NAV1: variants seen among roughly 807,000 people sequenced by gnomAD.
NAV1 encodes pore membrane and/or filament interacting like protein 3.
NAV1 carries 18 observed loss-of-function variants against 175.2 expected under a neutral mutation model. The observed-to-expected ratio is 0.10, with a 90% confidence interval of 0.07 to 0.15. The LOEUF is 0.15. NAV1 is among the 10% of genes least tolerant of loss of function. The pLI, the probability that NAV1 is intolerant of heterozygous loss-of-function variation, is 1.00. For missense variants in NAV1, 1,731 were observed against 2,436.6 expected, an observed-to-expected ratio of 0.71 and a Z score of 6.10; for synonymous variants, 897 against 978.7, an observed-to-expected ratio of 0.92 and a Z score of 1.56.
At chr1:201,797,767 T>C (rs1435225492) in intron 15 of NAV1, 1 of 152,258 alleles carries the variant, frequency 6.6e-6, no homozygotes, top group Non-Finnish European at 1.5e-5. Context: ...GTTTTCTTAA[T>C]TTCTCTTTTG....
chr1:201,692,455 G>T (rs1039957080), intron 1 of NAV1, among the ~76,000 whole-genome samples: 1 of 152,196 alleles, frequency 6.6e-6, no homozygotes, highest in Admixed American at 6.5e-5. Flanking sequence ...AAATATATAT[G>T]TCTGCCTTTC....
At chr1:201,699,057 C>A (rs1398976331) in intron 1 of NAV1, among the ~76,000 whole-genome samples, 1 of 152,196 alleles carries the variant, frequency 6.6e-6, no homozygotes, top group Non-Finnish European at 1.5e-5. Context: ...TCTCACCGCT[C>A]CTATTCAACA....
intron 2 of NAV1, among the ~76,000 whole-genome samples, chr1:201,714,625 G>A (rs954321290): frequency 2.0e-5 from 3 of 152,136 alleles, no homozygotes; most frequent in African/African-American, 7.2e-5. Context: ...AGTGAAGCAG[G>A]GATCTGGCAG....
At chr1:201,826,858 C>T (rs1679700622) in exon 30 of NAV1, 1 of 152,184 alleles carries the variant, frequency 6.6e-6, no homozygotes, top group Non-Finnish European at 1.5e-5. Context: ...CCTTCATCAC[C>T]ACTGAGGCCA....
chr1:201,758,795 CT>C (rs1183357935), intron 3 of NAV1, among the ~76,000 whole-genome samples: 7 of 152,214 alleles, frequency 4.6e-5, no homozygotes, highest in African/African-American at 7.2e-5. Flanking sequence ...GTGACCACCC[CT>C]AACTTCATTT....
At chr1:201,607,523 G>T (rs998728880) in intron 2 of NAV1, among the ~76,000 whole-genome samples, 18 of 150,734 alleles carry the variant, frequency 1.2e-4, no homozygotes, top group African/African-American at 4.1e-4. Context: ...ATGGAGTCTC[G>T]CTCTGTCTCC....
At chr1:201,623,945 G>A (rs116413212) in intron 1 of NAV1, among the ~76,000 whole-genome samples, 1 of 152,222 alleles carries the variant, frequency 6.6e-6, no homozygotes, top group Non-Finnish European at 1.5e-5. Context: ...GGAAGCTTAA[G>A]CAGCTAGATA....
intron 1 of NAV1, among the ~76,000 whole-genome samples, chr1:201,559,535 T>C (rs1231488298): frequency 1.3e-5 from 2 of 152,076 alleles, no homozygotes; most frequent in African/African-American, 4.8e-5. Context: ...GTGCCATGCA[T>C]GTGGGCAGAG....
At position 201,547,426 on chromosome 1, in the gene NAV1, C is replaced by G. The variant is rs151154784; in HGVS notation, c.-144+8084C>G. Among the ~76,000 whole-genome samples, 23 of 152,290 alleles carry G rather than the reference C, an allele frequency of 1.5e-4. No homozygotes were observed. The East Asian group carries it at 4.4e-3, about 29-fold the overall frequency. ...AATGCCTTTTTGAGAGTGCTGTATA[C>G]TTTTTCTCAACCCACAGCCTGCTCA... is the stretch of plus-strand genomic sequence containing the variant. On this transcript the variant is annotated intron_variant, in intron 1 of 33. Coordinates refer to the NAV1 transcript ENST00000685211.
In NAV1 at chr1:201,808,779, G is replaced by A; in HGVS notation, c.4115G>A (p.Gly1372Glu). 6.2e-7 allele frequency: 1 copy of A among 1,614,182 alleles called. No individual in the cohort carries two copies. Among genetic ancestry groups the A allele is most frequent in the Non-Finnish European group, 8.5e-7 (1 of 1,180,040 alleles). The change falls in exon 20 of 30, where the codon GGG (glycine) becomes GAG (glutamate). Residue 1372 changes from glycine to glutamate, a missense_variant. Gly to Glu is a moderately conservative substitution (Grantham distance 98). Transcript: ENST00000367296. The surrounding 1 kb of genome is among the most constrained non-coding windows in gnomAD (Gnocchi z 5.5). ...GGCCCCTCATCAGGCTCCACTCCAGGGCAGGTCCCTGGATCATCTGCATTA... is the reference window on the plus strand; with the variant it reads ...GGCCCCTCATCAGGCTCCACTCCAGAGCAGGTCCCTGGATCATCTGCATTA...
At chr1:201,574,787 T>C (rs1034554767) in intron 1 of NAV1, among the ~76,000 whole-genome samples, 2 of 152,208 alleles carry the variant, frequency 1.3e-5, no homozygotes, top group Non-Finnish European at 2.9e-5. Context: ...TGACCCTCCC[T>C]GCCTCTGTTT....
intron 3 of NAV1, among the ~76,000 whole-genome samples, chr1:201,776,234 C>T (rs1428193324): frequency 1.4e-5 from 2 of 147,706 alleles, no homozygotes; most frequent in African/African-American, 5.0e-5. Flanking sequence ...TAGAGTTTAG[C>T]AGCCAGGCTG....
At chr1:201,648,977 G>A (rs774613514) in exon 1 of NAV1, 3 of 1,613,350 alleles carry the variant, frequency 1.9e-6, no homozygotes, top group Admixed American at 1.7e-5. Context: ...CCGAGAAAAA[G>A]CTGCAGCTTT....
chr1:201,698,961 G>A (rs544771134), intron 1 of NAV1, among the ~76,000 whole-genome samples: 7 of 152,318 alleles, frequency 4.6e-5, no homozygotes, highest in Non-Finnish European at 7.3e-5. Flanking sequence ...AGACGGGCCC[G>A]CTCTGTAAAA....
intron 3 of NAV1, among the ~76,000 whole-genome samples, chr1:201,728,506 A>T (rs1672707044): frequency 6.6e-6 from 1 of 151,646 alleles, no homozygotes; most frequent in Non-Finnish European, 1.5e-5. Flanking sequence ...AGGTAGGAGA[A>T]TCACTTGTAC....
At chr1:201,601,907 G>A (rs1203482238) in intron 2 of NAV1, among the ~76,000 whole-genome samples, 1 of 152,166 alleles carries the variant, frequency 6.6e-6, no homozygotes, top group Non-Finnish European at 1.5e-5. Flanking sequence ...GGCAGCCTCA[G>A]TGGTGGTGTC....
chr1:201,729,668 AG>A (rs1169310271), intron 3 of NAV1, among the ~76,000 whole-genome samples: 1 of 152,038 alleles, frequency 6.6e-6, no homozygotes, highest in African/African-American at 2.4e-5. Context: ...GCACTTCGGG[AG>A]GCCGAGGCGG....
Position 201,573,639 on chromosome 1 carries a change from C to T in NAV1, c.-143-14900C>T, listed in dbSNP as rs1338226450. On this transcript the variant is annotated intron_variant, in intron 1 of 33. Coordinates refer to the NAV1 transcript ENST00000685211. The stretch of plus-strand genomic sequence containing the variant: ...CCAGGCCTGCCTGCTGTACCTATCT[C>T]CCAGGGATCTTGTGATGATTAAGAG... Among the ~76,000 whole-genome samples the T allele has an allele frequency of 2.6e-5, 4 of 152,298 alleles. No homozygotes were observed. The East Asian group carries it at 5.8e-4, about 22-fold the overall frequency.
chr1:201,631,626 T>G (rs1320732447), intron 2 of NAV1, among the ~76,000 whole-genome samples: 1 of 152,220 alleles, frequency 6.6e-6, no homozygotes, highest in East Asian at 1.9e-4. Flanking sequence ...CCTATAGGGG[T>G]TGACAAGGCA....
Sources: allele counts gnomAD v4.1 joint callset (sites outside exome capture counted in the v4.1 genomes callset), GRCh38; gene constraint gnomAD v4.1.1; non-coding constraint Gnocchi (gnomAD v3.1); transcripts MANE v1.5; gene names NCBI Gene and HGNC (gene_info 2026-07-23, HGNC 2026-07-21).